Variants in LRBA observed in about 807,000 individuals in gnomAD.
LRBA encodes lipopolysaccharide-responsive and beige-like anchor protein.
LRBA carries 176 observed loss-of-function variants against 330.0 expected under a neutral mutation model. The observed-to-expected ratio is 0.53, with a 90% CI of 0.47 to 0.60. The LOEUF is 0.60. Among genes scored for constraint, LRBA ranks in the 20% least tolerant of loss-of-function variants. LRBA has a pLI of 0.00. For synonymous variants in LRBA, 1,230 were observed against 1,193.0 expected, an observed-to-expected ratio of 1.03 and a Z score of -0.64; for missense variants, 3,259 against 3,444.8, an observed-to-expected ratio of 0.95 and a Z score of 1.35.
chr4:150,354,969 T>C (rs1737645532), intron 47 of LRBA, among the ~76,000 whole-genome samples: 1 of 152,034 alleles, frequency 6.6e-6, no homozygotes, highest in Non-Finnish European at 1.5e-5. Flanking sequence ...TGTGTGTCTG[T>C]GTGCATGTTT....
chr4:150,849,103 G>A (rs569895513), intron 25 of LRBA, 105 bp from the exon 26 acceptor site: 1 of 733,334 alleles, frequency 1.4e-6, no homozygotes, highest in Non-Finnish European at 2.2e-6. Flanking sequence ...CAGACTTTCA[G>A]AAACCTAGTA....
chr4:150,467,223 GAT>G (rs1381180895), intron 44 of LRBA, among the ~76,000 whole-genome samples: 1 of 152,092 alleles, frequency 6.6e-6, no homozygotes, highest in African/African-American at 2.4e-5. Context: ...TAGTCAGTTT[GAT>G]ACCATTGGAG....
chr4:150,506,997 A>C (rs1761175611), intron 40 of LRBA, among the ~76,000 whole-genome samples: 1 of 151,770 alleles, frequency 6.6e-6, no homozygotes, highest in African/African-American at 2.4e-5. Context: ...AGAGAATAAA[A>C]TACCTAGGAA....
At chr4:150,805,593 A>C in intron 33 of LRBA, among the ~76,000 whole-genome samples, 1 of 137,238 alleles carries the variant, frequency 7.3e-6, no homozygotes, top group Admixed American at 7.2e-5. Context: ...AAGGAAAGGA[A>C]AGGAAAGGAA....
intron 17 of LRBA, among the ~76,000 whole-genome samples, chr4:150,885,733 C>G (rs1174572997): frequency 6.6e-6 from 1 of 152,014 alleles, no homozygotes; most frequent in Non-Finnish European, 1.5e-5. Context: ...ACATACAGAG[C>G]AACAACAATG....
intron 50 of LRBA, among the ~76,000 whole-genome samples, chr4:150,319,152 G>T (rs1732130399): frequency 6.6e-6 from 1 of 152,266 alleles, no homozygotes; most frequent in East Asian, 1.9e-4. Flanking sequence ...ATCAGCTGGA[G>T]ACCGAGGAGC....
chr4:150,457,615 G>A (rs1754245864), intron 44 of LRBA, among the ~76,000 whole-genome samples: 1 of 151,720 alleles, frequency 6.6e-6, no homozygotes, highest in African/African-American at 2.4e-5. Context: ...AGCTACAAAT[G>A]CATACATGTT....
chr4:150,611,785 G>A (rs1775289739), intron 37 of LRBA, among the ~76,000 whole-genome samples: 1 of 152,188 alleles, frequency 6.6e-6, no homozygotes, highest in Non-Finnish European at 1.5e-5. Flanking sequence ...AATATGTTTA[G>A]TAACCACATC....
chr4:150,625,714 A>AT (rs1285401277), intron 37 of LRBA, among the ~76,000 whole-genome samples: 1 of 147,946 alleles, frequency 6.8e-6, no homozygotes, highest in African/African-American at 2.5e-5. Context: ...TATAATTATT[A>AT]TTATTTTTTT....
At chr4:150,799,973 G>C (rs1741365062) in intron 33 of LRBA, among the ~76,000 whole-genome samples, 1 of 152,176 alleles carries the variant, frequency 6.6e-6, no homozygotes, top group South Asian at 2.1e-4. Flanking sequence ...TCGAACTCCT[G>C]ACCTCAGGTG....
At chr4:150,275,533 C>A (rs1292511472) in intron 56 of LRBA, among the ~76,000 whole-genome samples, 1 of 152,140 alleles carries the variant, frequency 6.6e-6, no homozygotes, top group Non-Finnish European at 1.5e-5. Context: ...TAGAAAACCC[C>A]AGCATCTCAG....
intron 40 of LRBA, among the ~76,000 whole-genome samples, chr4:150,557,987 T>G (rs988205851): frequency 6.6e-6 from 1 of 152,148 alleles, no homozygotes; most frequent in Non-Finnish European, 1.5e-5. Context: ...AACCTCCACC[T>G]CCCAGGTTCA....
rs542457361 is a variant in LRBA at position 150,426,566 on chromosome 4, G to A, written c.7041+9023C>T. Among the ~76,000 whole-genome samples the A allele has an allele frequency of 1.2e-4, 18 of 151,728 alleles. No individual in the cohort carries two copies. In the South Asian group the frequency reaches 2.5e-3, roughly 21 times the overall value. ...CTGTGAGGCTCATATGGGATAATGC[G>A]GAATTCTATATATACATAAGATATT... On this transcript the variant is annotated intron_variant, in intron 46 of 56. Transcript: ENST00000651943.
intron 50 of LRBA, among the ~76,000 whole-genome samples, chr4:150,318,730 T>C (rs1217020092): frequency 6.6e-6 from 1 of 152,102 alleles, no homozygotes; most frequent in Non-Finnish European, 1.5e-5. Flanking sequence ...ATTTTTCTGG[T>C]GAAAAGTTGC....
intron 53 of LRBA, among the ~76,000 whole-genome samples, chr4:150,286,662 C>T (rs1288089810): frequency 6.6e-6 from 1 of 151,838 alleles, no homozygotes; most frequent in Non-Finnish European, 1.5e-5. Context: ...GATAAGTCTA[C>T]AGATAGTGAT....
intron 37 of LRBA, among the ~76,000 whole-genome samples, chr4:150,648,190 G>T (rs1411955082): frequency 3.2e-5 from 1 of 31,662 alleles, no homozygotes; most frequent in African/African-American, 5.4e-5. Flanking sequence ...AGAAAAGAGC[G>T]AGATGTGCCA....
intron 35 of LRBA, among the ~76,000 whole-genome samples, chr4:150,741,033 G>A (rs1233088864): frequency 6.6e-6 from 1 of 151,954 alleles, no homozygotes; most frequent in African/African-American, 2.4e-5. Flanking sequence ...TCCTAGACAA[G>A]ACCTAAAGAT....
chr4:150,402,853 C>A (rs1196987383), intron 47 of LRBA, among the ~76,000 whole-genome samples: 1 of 151,606 alleles, frequency 6.6e-6, no homozygotes, highest in African/African-American at 2.4e-5. Flanking sequence ...AGGAATCAAC[C>A]GGACCACAAA....
intron 42 of LRBA, among the ~76,000 whole-genome samples, chr4:150,481,661 T>A (rs1204740284): frequency 6.6e-6 from 1 of 152,118 alleles, no homozygotes; most frequent in East Asian, 1.9e-4. Flanking sequence ...AACCATGGCC[T>A]ATGGCTATGA....
Sources: gnomAD v4.1 joint callset for allele counts (sites outside exome capture counted in the v4.1 genomes callset) on GRCh38, gnomAD v4.1.1 for gene constraint, MANE v1.5 for transcripts, NCBI Gene and HGNC (gene_info 2026-07-23, HGNC 2026-07-21) for gene names.